The following DLGAP2 variants were observed in gnomAD, a reference collection of about 807,000 sequenced individuals.
DLGAP2 encodes the protein disks large-associated protein 2.
A neutral mutation model predicts 100.3 loss-of-function variants in DLGAP2; 26 were observed. That is an observed-to-expected ratio of 0.26 (90% CI 0.19 to 0.36). The LOEUF (loss-of-function observed/expected upper bound fraction) is 0.36, where lower values mean the gene tolerates loss of function less well. DLGAP2 is among the 10% of genes least tolerant of loss of function. The pLI is 1.00. For missense variants in DLGAP2, 1,858 were observed against 1,453.2 expected (o/e 1.28, Z -4.53); for synonymous variants, 886 against 630.1 (o/e 1.41, Z -6.08).
chr8:1,358,472 A>T (rs1196531050), intron 3 of DLGAP2, among the ~76,000 whole-genome samples: 7 of 152,132 alleles, frequency 4.6e-5, no homozygotes, highest in Non-Finnish European at 1.0e-4. Flanking sequence ...CACAGACGTA[A>T]CCATGTGAGG....
In DLGAP2 at chr8:1,044,836, C is replaced by T. The variant is rs533224328; in HGVS notation, c.73+136870C>T. Among the ~76,000 whole-genome samples, 5 of 152,324 alleles carry T rather than the reference C, an allele frequency of 3.3e-5. No individual in the cohort carries two copies. In the East Asian group the frequency reaches 9.7e-4, roughly 29 times the overall value. On this transcript the variant is annotated intron_variant, in intron 2 of 14. Coordinates refer to ENST00000637795, the MANE Select transcript of DLGAP2 (RefSeq NM_001346810.2). The stretch of plus-strand genomic sequence containing the variant: ...CTCTCGACCTGCAGAACGGACCCAC[C>T]CACGTGCTTCCTCAGGGTCAAAACC...
intron 2 of DLGAP2, among the ~76,000 whole-genome samples, chr8:1,209,453 T>C (rs1798060480): frequency 6.6e-6 from 1 of 152,220 alleles, no homozygotes; most frequent in Non-Finnish European, 1.5e-5. Flanking sequence ...GCATATGTAG[T>C]CCTAGATCTG....
intron 2 of DLGAP2, among the ~76,000 whole-genome samples, chr8:990,320 ACCC>A (rs111492430): frequency 2.3e-4 from 32 of 140,170 alleles, no homozygotes; most frequent in African/African-American, 9.1e-4. Flanking sequence ...GACCCCCTGC[ACCC>A]CCATACTCGG....
chr8:775,158 A>G (rs201553855), intron 1 of DLGAP2, among the ~76,000 whole-genome samples: 3 of 151,672 alleles, frequency 2.0e-5, no homozygotes, highest in Non-Finnish European at 4.4e-5. Context: ...TTTGTCTGTT[A>G]TTGGTGTATA....
In DLGAP2 at chr8:1,626,896, C is replaced by G. The variant is rs372961257; in HGVS notation, c.1590+9C>G. The G allele has an allele frequency of 3.2e-6, 5 of 1,581,228 alleles. No individual in the cohort carries two copies. Among genetic ancestry groups the G allele is most frequent in the Admixed American group, 3.6e-5 (2 of 56,166 alleles). On this transcript the variant is annotated intron_variant, in intron 7 of 14. Coordinates refer to ENST00000637795, the MANE Select transcript of DLGAP2 (RefSeq NM_001346810.2). ...CCAGCTGCGTGAGCCAGGTCAGGGT[C>G]CCTTCGCCCTTTCTCCCTGGGGTCC...
intron 3 of DLGAP2, among the ~76,000 whole-genome samples, chr8:1,287,169 CGT>C (rs1799942352): frequency 5.6e-5 from 6 of 108,092 alleles, no homozygotes; most frequent in Admixed American, 3.7e-4. Context: ...CGCGCGCGCG[CGT>C]GGTTCTGTTA....
At chr8:1,227,950 A>G (rs1341526242) in intron 2 of DLGAP2, among the ~76,000 whole-genome samples, 1 of 152,188 alleles carries the variant, frequency 6.6e-6, no homozygotes, top group African/African-American at 2.4e-5. Flanking sequence ...GATGATGGAT[A>G]TGTTATTTTG....
rs1248146759 is a variant in DLGAP2, at chr8:1,437,126, TA to T, written c.107-64238del. ...CGGGTCTCCGTTCAGCCCAGGCGCGTAAGGGTGACGCCATCCGGGTCTGCGT... is the reference window on the plus strand; with the variant it reads ...CGGGTCTCCGTTCAGCCCAGGCGCGTAGGGTGACGCCATCCGGGTCTGCGT... On this transcript the variant is annotated intron_variant, in intron 3 of 14. Coordinates refer to ENST00000637795, the MANE Select transcript of DLGAP2 (RefSeq NM_001346810.2). Among the ~76,000 whole-genome samples the T allele has an allele frequency of 4.0e-4, 56 of 139,354 alleles. 4 individuals carry two copies. The highest frequency in any genetic ancestry group is 1.2e-3 in the South Asian group (5 of 4,060). 91.4% of individuals were successfully genotyped at this position (139,354 alleles called of 152,430 possible).
At chr8:781,974 A>G (rs1442761028) in intron 1 of DLGAP2, among the ~76,000 whole-genome samples, 2 of 152,192 alleles carry the variant, frequency 1.3e-5, no homozygotes, top group Non-Finnish European at 2.9e-5. Context: ...AGAAATGTAC[A>G]GTTAAAAGGA....
intron 3 of DLGAP2, among the ~76,000 whole-genome samples, chr8:1,318,376 T>C (rs1230954897): frequency 6.6e-6 from 1 of 151,724 alleles, no homozygotes; most frequent in Admixed American, 6.6e-5. Context: ...TCATATTGTA[T>C]TTCTCCCACA....
At chr8:1,616,037 C>G (rs181946994) in intron 6 of DLGAP2, among the ~76,000 whole-genome samples, 1 of 152,120 alleles carries the variant, frequency 6.6e-6, no homozygotes, top group African/African-American at 2.4e-5. Context: ...TAATGCCTGA[C>G]TAGATGGAGA....
Position 1,125,090 on chromosome 8 carries a change from A to T in DLGAP2, c.74-133761A>T, listed in dbSNP as rs374293010. ...CTGTCATGTCTTTGCATTCCATAAGACCTCTGCCTTCTCTGGCAGACTCGG... is the reference window on the plus strand; with the variant it reads ...CTGTCATGTCTTTGCATTCCATAAGTCCTCTGCCTTCTCTGGCAGACTCGG... On this transcript the variant is annotated intron_variant, in intron 2 of 14. Coordinates refer to ENST00000637795, the MANE Select transcript of DLGAP2 (RefSeq NM_001346810.2). Among the ~76,000 whole-genome samples, 63 of 151,954 alleles carry T rather than the reference A, an allele frequency of 4.1e-4. No homozygotes were observed. The East Asian group carries it at 7.0e-3, about 17-fold the overall frequency.
chr8:1,648,368 C>T (rs911385732), intron 8 of DLGAP2, among the ~76,000 whole-genome samples: 6 of 152,172 alleles, frequency 3.9e-5, no homozygotes, highest in South Asian at 4.1e-4. Flanking sequence ...TATCTATAAC[C>T]GACATGTGCA....
intron 2 of DLGAP2, among the ~76,000 whole-genome samples, chr8:1,232,193 C>G (rs1274848935): frequency 6.6e-6 from 1 of 152,224 alleles, no homozygotes; most frequent in African/African-American, 2.4e-5. Context: ...GGAGAACAAA[C>G]TGTCACTTTG....
chr8:1,068,740 G>C (rs1388672592), intron 2 of DLGAP2, among the ~76,000 whole-genome samples: 1 of 152,168 alleles, frequency 6.6e-6, no homozygotes, highest in Non-Finnish European at 1.5e-5. Context: ...AGCGCATGTG[G>C]GTCCGGGATA....
At chr8:1,665,469 G>T (rs1186601200) in intron 8 of DLGAP2, among the ~76,000 whole-genome samples, 1 of 152,118 alleles carries the variant, frequency 6.6e-6, no homozygotes, top group African/African-American at 2.4e-5. Flanking sequence ...AACCTCGCTG[G>T]GAAAATCCAA....
intron 2 of DLGAP2, among the ~76,000 whole-genome samples, chr8:1,055,976 G>A (rs1802871229): frequency 6.6e-6 from 1 of 152,188 alleles, no homozygotes; most frequent in Admixed American, 6.5e-5. Flanking sequence ...GGTGTGCCCT[G>A]GGGGGTGTTG....
intron 3 of DLGAP2, among the ~76,000 whole-genome samples, chr8:1,419,441 CGTGTGTGTGTGTGTGT>C (rs71190735): frequency 1.9e-5 from 1 of 52,992 alleles, no homozygotes; most frequent in Non-Finnish European, 3.5e-5. Flanking sequence ...CACTCTGATA[CGTGTGTGTGTGTGTGT>C]GTGTGTGTGT....
chr8:1,701,473 C>T lies in DLGAP2; in HGVS notation c.*67C>T. The T allele has an allele frequency of 6.8e-7, 1 of 1,473,300 alleles. No individual in the cohort carries two copies. The highest frequency in any genetic ancestry group is 9.1e-7 in the Non-Finnish European group (1 of 1,099,398). 91.3% of individuals were successfully genotyped at this position (1,473,300 alleles called of 1,614,324 possible). A position where few individuals can be genotyped will look rare whatever the true frequency, so the allele number is the denominator to read the frequency against. On this transcript the variant is annotated 3_prime_UTR_variant, in exon 15 of 15. Coordinates refer to ENST00000637795, the MANE Select transcript of DLGAP2 (RefSeq NM_001346810.2). ...CGGACGCTTGTGCAGCGCGGCGCCG[C>T]CCTGGTGGTTTCTGTCTCCTCCTCC...
Sources: gnomAD v4.1 joint callset for allele counts (sites outside exome capture counted in the v4.1 genomes callset) on GRCh38, gnomAD v4.1.1 for gene constraint, MANE v1.5 for transcripts, NCBI Gene and HGNC (gene_info 2026-07-23, HGNC 2026-07-21) for gene names.